SYTL2: variants seen among roughly 807,000 people sequenced by gnomAD.
SYTL2 encodes synaptotagmin-like protein 2.
Under a neutral mutation model 198.7 loss-of-function variants are expected in SYTL2, and 165 were observed. The observed-to-expected ratio is 0.83, with a 90% CI of 0.73 to 0.94. SYTL2 has a LOEUF of 0.94. Among genes scored for constraint, SYTL2 ranks in the 40% least tolerant of loss-of-function variants. SYTL2 has a pLI of 0.00. For missense variants in SYTL2, 2,835 were observed against 2,582.8 expected (o/e 1.10, Z -2.12); for synonymous variants, 966 against 917.7 (o/e 1.05, Z -0.95).
chr11:85,839,396 G>T, the SYTL2 span, among the ~76,000 whole-genome samples: 1 of 152,086 alleles, frequency 6.6e-6, no homozygotes, highest in Non-Finnish European at 1.5e-5. Flanking sequence ...CCACCTCCCA[G>T]CAGCACATCT....
chr11:85,788,462 C>A (rs1355834932), intron 1 of SYTL2, among the ~76,000 whole-genome samples: 1 of 152,064 alleles, frequency 6.6e-6, no homozygotes, highest in African/African-American at 2.4e-5. Flanking sequence ...ATTAGTTGAA[C>A]CAATTGCTTA....
At chr11:85,702,023 A>G (rs2084372660) in intron 16 of SYTL2, among the ~76,000 whole-genome samples, 1 of 152,128 alleles carries the variant, frequency 6.6e-6, no homozygotes, top group Non-Finnish European at 1.5e-5. Flanking sequence ...GGGAGACAAA[A>G]CTTGGAGCCC....
At chr11:85,741,268 A>G (rs1218621409) in intron 4 of SYTL2, among the ~76,000 whole-genome samples, 1 of 152,210 alleles carries the variant, frequency 6.6e-6, no homozygotes, top group Non-Finnish European at 1.5e-5. Flanking sequence ...TGAGCAAACA[A>G]ATGAAGAAAC....
At chr11:85,721,952 C>T (rs2088373990) in intron 8 of SYTL2, among the ~76,000 whole-genome samples, 1 of 152,100 alleles carries the variant, frequency 6.6e-6, no homozygotes, top group Non-Finnish European at 1.5e-5. Flanking sequence ...TAGTTAAGAG[C>T]TCAGCCGCAA....
the SYTL2 span, among the ~76,000 whole-genome samples, chr11:85,828,576 T>A: frequency 9.2e-5 from 14 of 152,204 alleles, no homozygotes; most frequent in Non-Finnish European, 1.9e-4. Context: ...TTGGCACCAG[T>A]TACAAAGGAA....
At chr11:85,713,198 T>C (rs928708869) in intron 12 of SYTL2, among the ~76,000 whole-genome samples, 1 of 152,222 alleles carries the variant, frequency 6.6e-6, no homozygotes, top group Non-Finnish European at 1.5e-5. Flanking sequence ...GACAAAAGGA[T>C]GCCCAGGCCA....
At chr11:85,760,304 G>C (rs967098574) in intron 1 of SYTL2, among the ~76,000 whole-genome samples, 5 of 152,210 alleles carry the variant, frequency 3.3e-5, no homozygotes, top group African/African-American at 1.2e-4. Context: ...TTTGGGAGTT[G>C]TTATACGATA....
chr11:85,798,258 T>G (rs1158914359), intron 1 of SYTL2, among the ~76,000 whole-genome samples: 2 of 152,188 alleles, frequency 1.3e-5, no homozygotes, highest in African/African-American at 4.8e-5. Context: ...CTCTCAAAGT[T>G]TGAAATTTTA....
At chr11:85,729,132 G>A (rs184224597) in intron 7 of SYTL2, among the ~76,000 whole-genome samples, 9 of 152,176 alleles carry the variant, frequency 5.9e-5, no homozygotes, top group Admixed American at 5.9e-4. Flanking sequence ...CTCCCACACA[G>A]TAATAGTGGG....
intron 2 of SYTL2, among the ~76,000 whole-genome samples, chr11:85,749,199 TCTAA>T (rs777210141): frequency 2.0e-5 from 3 of 152,184 alleles, no homozygotes; most frequent in Non-Finnish European, 4.4e-5. Flanking sequence ...AAAACTTTGT[TCTAA>T]CTGACAAGTC....
At chr11:85,826,475 T>A in the SYTL2 span, among the ~76,000 whole-genome samples, 2 of 152,166 alleles carry the variant, frequency 1.3e-5, no homozygotes, top group African/African-American at 2.4e-5. Context: ...AAGGTTGAAT[T>A]TCAGACCAGG....
intron 7 of SYTL2, among the ~76,000 whole-genome samples, chr11:85,733,087 C>T (rs1453578135): frequency 6.6e-6 from 1 of 152,062 alleles, no homozygotes; most frequent in African/African-American, 2.4e-5. Context: ...GCTTTTAAAG[C>T]CTAAGAACAA....
At chr11:85,757,015 G>A (rs1237260569) in intron 2 of SYTL2, among the ~76,000 whole-genome samples, 1 of 152,214 alleles carries the variant, frequency 6.6e-6, no homozygotes, top group East Asian at 1.9e-4. Flanking sequence ...GTGCTTGTTT[G>A]ACAACAAAGG....
At chr11:85,766,532 G>A (rs117261982) in intron 1 of SYTL2, among the ~76,000 whole-genome samples, 109 of 152,288 alleles carry the variant, frequency 7.2e-4, no homozygotes, top group African/African-American at 2.4e-3. Context: ...ATATCCATGG[G>A]CTTTTATTAA....
Position 85,734,496 on chromosome 11 carries a change from G to C in SYTL2, c.833C>G (p.Ser278Cys), listed in dbSNP as rs1263726569. Residue 278 changes from serine to cysteine, a missense_variant, in exon 7 of 20, where the codon TCC (serine) becomes TGC (cysteine). Around this residue, in one of 3 missense-constraint regions of SYTL2, gnomAD observed 2,645 missense variants for 2,381.7 expected, o/e 1.11. Coordinates refer to ENST00000359152, the MANE Select transcript of SYTL2 (RefSeq NM_206927.4). ...GAPRGILKRN[S>C]SSSSTDSETL... Reference sequence around the variant, plus strand: ...TTCTGAGTCTGTGCTACTGGAACTGGAGTTGCGCTTGAGGATCCCTCTCGG... The same window carrying C: ...TTCTGAGTCTGTGCTACTGGAACTGCAGTTGCGCTTGAGGATCCCTCTCGG... The C allele has an allele frequency of 3.1e-6, 5 of 1,614,222 alleles. No homozygotes were observed. In the South Asian group the frequency reaches 3.3e-5, roughly 11 times the overall value.
At position 85,727,554 on chromosome 11, in the gene SYTL2, CAGAAACCAGCATA is replaced by C; in HGVS notation, c.1791_1803del (p.Asp597GlufsTer9). Reference sequence around the variant, plus strand: ...TTCACATTATTATCTTGGCAACTTTCAGAAACCAGCATATCTCCCTCTGCTTGGAATGGTGAGT... The same window carrying C: ...TTCACATTATTATCTTGGCAACTTTCTCTCCCTCTGCTTGGAATGGTGAGT... On this transcript the variant is annotated frameshift_variant, in exon 8 of 20. Coordinates refer to ENST00000359152, the MANE Select transcript of SYTL2 (RefSeq NM_206927.4). LOFTEE classifies it high-confidence loss of function. 6.5e-7 allele frequency: 1 copy of C among 1,536,048 alleles called. No individual in the cohort carries two copies. The highest frequency in any genetic ancestry group is 8.7e-7 in the Non-Finnish European group (1 of 1,146,872).
intron 1 of SYTL2, among the ~76,000 whole-genome samples, chr11:85,795,057 T>G (rs1018730670): frequency 6.6e-6 from 1 of 152,220 alleles, no homozygotes; most frequent in Non-Finnish European, 1.5e-5. Flanking sequence ...GCTTCCTCAC[T>G]GGTAAAATAT....
At chr11:85,832,477 A>C in the SYTL2 span, among the ~76,000 whole-genome samples, 1 of 152,180 alleles carries the variant, frequency 6.6e-6, no homozygotes, top group African/African-American at 2.4e-5. Context: ...TTGTTGACAA[A>C]GTTCCCAAAA....
the SYTL2 span, among the ~76,000 whole-genome samples, chr11:85,825,525 C>A: frequency 6.6e-6 from 1 of 152,156 alleles, no homozygotes; most frequent in Non-Finnish European, 1.5e-5. Flanking sequence ...ATAGGAAGAC[C>A]CCACAGGGGA....
Sources: gnomAD v4.1 joint callset for allele counts (sites outside exome capture counted in the v4.1 genomes callset) on GRCh38, gnomAD v4.1.1 for gene constraint, gnomAD v4.1.1 regional missense constraint, MANE v1.5 for transcripts, NCBI Gene and HGNC (gene_info 2026-07-23, HGNC 2026-07-21) for gene names.